The following MTRR variants were observed in gnomAD, a reference collection of about 807,000 sequenced individuals.
The protein encoded by MTRR is 5-methyltetrahydrofolate-homocysteine methyltransferase reductase, also known as methionine synthase reductase.
A neutral mutation model predicts 79.2 loss-of-function variants in MTRR; 63 were observed. That is an observed-to-expected ratio of 0.80 (90% CI 0.65 to 0.98). MTRR has a LOEUF of 0.98. Ranked by LOEUF, MTRR falls within the 50% of genes least tolerant of loss-of-function variation. The pLI is 0.00. For missense variants in MTRR, 895 were observed against 839.6 expected (o/e 1.07, Z -0.82); for synonymous variants, 355 against 313.3 (o/e 1.13, Z -1.41).
upstream of MTRR, chr5:7,866,642 T>C: frequency 6.4e-7 from 1 of 1,564,662 alleles, no homozygotes; most frequent in African/African-American, 1.4e-5. Flanking sequence ...TATAACCAAC[T>C]CACCTTGCAG....
intron 5 of MTRR, among the ~76,000 whole-genome samples, chr5:7,880,014 C>T (rs376048714): frequency 5.3e-5 from 8 of 152,376 alleles, no homozygotes; most frequent in African/African-American, 1.9e-4. Flanking sequence ...GGTTCTGCTT[C>T]TCTCTAGAAG....
rs757677988 is a variant in MTRR at position 7,886,684 on chromosome 5, T to C, written c.1127T>C (p.Ile376Thr). 6 of 1,612,332 alleles carry C rather than the reference T, an allele frequency of 3.7e-6. No individual in the cohort carries two copies. In the Admixed American group the frequency reaches 1.0e-4, roughly 27 times the overall value. The change falls in exon 8 of 15, where the codon ATC becomes ACC. Residue 376 changes from isoleucine (I) to threonine (T), a missense_variant. By Grantham distance (89) the Ile-to-Thr change is moderately conservative (BLOSUM62 -1). Transcript: ENST00000440940. ...TTCATTTTTACCTGGTGTCTTGAAA[T>C]CCGAGCAATTCCTAAAAAGGTATTT... is the stretch of plus-strand genomic sequence containing the variant. ...LQFIFTWCLE[I>T]RAIPKKAFLR...
intron 1 of MTRR, among the ~76,000 whole-genome samples, chr5:7,857,971 C>G (rs1247504684): frequency 6.6e-6 from 1 of 152,192 alleles, no homozygotes; most frequent in Non-Finnish European, 1.5e-5. Context: ...CTGTATTTTT[C>G]TTCATAGCAT....
At chr5:7,865,842 T>G (rs1024255923), upstream of MTRR, 67 of 1,359,820 alleles carry the variant, frequency 4.9e-5, no homozygotes, top group Non-Finnish European at 5.7e-5. Flanking sequence ...GTAAAGGAAC[T>G]TAAAAGGAAA....
chr5:7,851,173 G>C (rs1229360278), upstream of MTRR: 3 of 925,424 alleles, frequency 3.2e-6, no homozygotes, highest in African/African-American at 5.1e-5. Context: ...CTGGCGACCC[G>C]GAGCTGCCCT....
In MTRR at chr5:7,889,238, T is replaced by C. The variant is rs2126772061; in HGVS notation, c.1290T>C (p.Ala430=). 6.2e-7 allele frequency: 1 copy of C among 1,613,154 alleles called. No homozygotes were observed. The highest frequency in any genetic ancestry group is 8.5e-7 in the Non-Finnish European group (1 of 1,180,008). ...ACACLLDLLL[A]FPSCQPPLSL... is the part of the protein sequence containing the mutation. ...CCTGCTTGTTGGATCTCCTCCTCGCTTTCCCTTCTTGCCAGCCACCACTCA... is the reference window on the plus strand; with the variant it reads ...CCTGCTTGTTGGATCTCCTCCTCGCCTTCCCTTCTTGCCAGCCACCACTCA... The change falls in exon 9 of 15, where the codon GCT becomes GCC. Residue 430 remains alanine (A), a synonymous_variant. Transcript: ENST00000440940.
At chr5:7,860,362 G>A (rs1282098058) in intron 1 of MTRR, among the ~76,000 whole-genome samples, 1 of 152,142 alleles carries the variant, frequency 6.6e-6, no homozygotes, top group African/African-American at 2.4e-5. Context: ...TATTTAAAAG[G>A]TCTTAAATAT....
chr5:7,874,790 T>G (rs184919088), intron 3 of MTRR, among the ~76,000 whole-genome samples: 3 of 152,170 alleles, frequency 2.0e-5, no homozygotes, highest in African/African-American at 7.2e-5. Context: ...GCTGCTGTTA[T>G]GAATAATATG....
At chr5:7,868,173 G>A, upstream of MTRR, 3 of 320,318 alleles carry the variant, frequency 9.4e-6, no homozygotes, top group Admixed American at 1.6e-4. Flanking sequence ...CAACATCAAT[G>A]TTTATGAAAC....
rs578196508 is a variant in MTRR, at chr5:7,862,672, C to T, written n.498+615C>T. 192 of 665,818 alleles carry T rather than the reference C, an allele frequency of 2.9e-4. 1 individual carries two copies. In the South Asian group the frequency reaches 3.5e-3, roughly 12 times the overall value. 41.2% of individuals were successfully genotyped at this position (665,818 alleles called of 1,614,324 possible). A position where few individuals can be genotyped will look rare whatever the true frequency, so the allele number is the denominator to read the frequency against. ...TTAAACCCAGACAGTCTTGACTCAACGGCTCTGCTGCTAACCCCAACTTGC... is the reference window on the plus strand; with the variant it reads ...TTAAACCCAGACAGTCTTGACTCAATGGCTCTGCTGCTAACCCCAACTTGC... On this transcript the variant is annotated intron_variant and non_coding_transcript_variant, in intron 2 of 3. Transcript: ENST00000502509.
At position 7,891,166 on chromosome 5, in the gene MTRR, T is replaced by C. The variant is rs538807613; in HGVS notation, c.1328-206T>C. ...TTTAAGAGTAAGAAAATGCATCTTA[T>C]CTGGTTTTTAACTTTAGGAGTTGAA... On this transcript the variant is annotated intron_variant, in intron 9 of 14. Coordinates refer to ENST00000440940, the MANE Select transcript of MTRR (RefSeq NM_002454.3). Among the ~76,000 whole-genome samples, 8 of 152,298 alleles carry C rather than the reference T, an allele frequency of 5.3e-5. No homozygotes were observed. In the East Asian group the frequency reaches 1.3e-3, roughly 26 times the overall value.
Position 7,878,043 on chromosome 5 carries a change from C to G in MTRR, c.501C>G (p.Leu167=), listed in dbSNP as rs1282115979. ...SRGQEEISGA[L]PVASPASSRT... ...GACAAGAGGAGATAAGTGGCGCACT[C>G]CCGGTGGCATCACCTGCATCCTCGA... The change falls in exon 5 of 15, where the codon CTC becomes CTG. Residue 167 remains leucine, a synonymous_variant. Coordinates refer to ENST00000440940, the MANE Select transcript of MTRR (RefSeq NM_002454.3). 6.2e-7 allele frequency: 1 copy of G among 1,613,818 alleles called. No individual in the cohort carries two copies. Among genetic ancestry groups the G allele is most frequent in the Non-Finnish European group, 8.5e-7 (1 of 1,179,986 alleles).
chr5:7,869,131 A>G (rs749058136), upstream of MTRR: 38 of 1,613,362 alleles, frequency 2.4e-5, no homozygotes, highest in Middle Eastern at 1.6e-4. Context: ...CTGGGTACCG[A>G]GCATGGGCGC....
chr5:7,861,967 A>C (rs1483539608), exon 2 of MTRR: 1 of 212,400 alleles, frequency 4.7e-6, no homozygotes, highest in African/African-American at 2.3e-5. Context: ...GAGATCCTTC[A>C]ATCCAGACTG....
At chr5:7,866,953 G>T, upstream of MTRR, 1 of 1,614,158 alleles carries the variant, frequency 6.2e-7, no homozygotes, top group Non-Finnish European at 8.5e-7. Flanking sequence ...CTCTACTGCA[G>T]TACTCCATGA....
rs772440734 is a variant in MTRR, at chr5:7,895,791, C to T, written c.1615C>T (p.Pro539Ser). The T allele has an allele frequency of 3.7e-6, 6 of 1,613,956 alleles. No individual in the cohort carries two copies. In the East Asian group the frequency reaches 1.3e-4, roughly 36 times the overall value. The change falls in exon 12 of 15, where the codon CCC becomes TCC. Residue 539 changes from proline to serine, a missense_variant. Transcript: ENST00000440940. The stretch of plus-strand genomic sequence containing the variant: ...CCACTTACCAGATGACCCCTCAATC[C>T]CCATCATAATGGTGGGTCCAGGAAC... ...SFHLPDDPSIPIIMVGPGTGI... is the reference protein window; with the variant it reads ...SFHLPDDPSISIIMVGPGTGI...
chr5:7,859,603 GGTTACTTT>G, intron 1 of MTRR: 5 of 1,074,598 alleles, frequency 4.7e-6, no homozygotes, highest in Non-Finnish European at 6.8e-6. Flanking sequence ...TCTGGCTATT[GGTTACTTT>G]GTTTGTTTCT....
intron 7 of MTRR, among the ~76,000 whole-genome samples, chr5:7,886,163 A>C (rs953576120): frequency 6.6e-6 from 1 of 152,094 alleles, no homozygotes; most frequent in Non-Finnish European, 1.5e-5. Flanking sequence ...TTCTTTTCCT[A>C]TTATGTTTAC....
At chr5:7,870,058 T>A in intron 1 of MTRR, 4 of 985,404 alleles carry the variant, frequency 4.1e-6, no homozygotes, top group Non-Finnish European at 4.8e-6. Flanking sequence ...AAAAAATCTG[T>A]GAGTGTCGTT....
Sources: gnomAD v4.1 joint callset for allele counts (sites outside exome capture counted in the v4.1 genomes callset) on GRCh38, gnomAD v4.1.1 for gene constraint, MANE v1.5 for transcripts, NCBI Gene and HGNC (gene_info 2026-07-23, HGNC 2026-07-21) for gene names.